CLK2: variants seen among roughly 807,000 people sequenced by gnomAD.
CLK2 encodes the protein dual specificity protein kinase CLK2.
CLK2 carries 12 observed loss-of-function variants against 73.5 expected under a neutral mutation model. The ratio of observed to expected loss-of-function variants is 0.16; its 90% CI spans 0.10 to 0.26. The LOEUF (loss-of-function observed/expected upper bound fraction) is 0.26. Among genes scored for constraint, CLK2 ranks in the 10% least tolerant of loss-of-function variants. The pLI is 1.00. For missense variants in CLK2, 509 were observed against 688.4 expected (o/e 0.74, Z 2.92); for synonymous variants, 232 against 237.9 (o/e 0.98, Z 0.23).
Position 155,264,784 on chromosome 1 carries a change from G to A in CLK2, c.934-10C>T, listed in dbSNP as rs559089129. 2.1e-5 allele frequency: 34 copies of A among 1,613,632 alleles called. No homozygotes were observed. The highest frequency in any genetic ancestry group is 2.7e-5 in the African/African-American group (2 of 74,930). ...TGCGCTCATCTCGCTTCTAGGAGCA[G>A]AGGAGAAAGAGGATGAACCTCTGCA... On this transcript the variant is annotated splice_polypyrimidine_tract_variant and intron_variant, in intron 8 of 12. Coordinates refer to ENST00000368361, the MANE Select transcript of CLK2 (RefSeq NM_001294338.2).
chr1:155,264,076 C>G, intron 11 of CLK2, 36 bp from the exon 12 acceptor site: 1 of 1,586,478 alleles, frequency 6.3e-7, no homozygotes, highest in South Asian at 1.1e-5. Flanking sequence ...ATCAGAAGGT[C>G]ACCCTTGTTA....
At position 155,268,382 on chromosome 1, in the gene CLK2, C is replaced by A. The variant is rs759396383; in HGVS notation, c.488-23G>T. On this transcript the variant is annotated intron_variant, in intron 4 of 12. Coordinates refer to ENST00000368361, the MANE Select transcript of CLK2 (RefSeq NM_001294338.2). This position sits in a 1 kb window ranked among gnomAD's most constrained non-coding sequence, Gnocchi z 5.6. Reference sequence around the variant, plus strand: ...CATCTGAAATGAAAGAGAGCAGGGTCGGGGAGAGGGAGGGAGAGAAGGTGG... The same window carrying A: ...CATCTGAAATGAAAGAGAGCAGGGTAGGGGAGAGGGAGGGAGAGAAGGTGG... 6.2e-7 allele frequency: 1 copy of A among 1,608,534 alleles called. No homozygotes were observed. Among genetic ancestry groups the A allele is most frequent in the Non-Finnish European group, 8.5e-7 (1 of 1,175,464 alleles).
Position 155,268,237 on chromosome 1 carries a change from C to G in CLK2, c.554+56G>C. The G allele has an allele frequency of 6.3e-7, 1 of 1,576,232 alleles. No individual in the cohort carries two copies. Among genetic ancestry groups the G allele is most frequent in the Non-Finnish European group, 8.7e-7 (1 of 1,145,772 alleles). On this transcript the variant is annotated intron_variant, in intron 5 of 12. Coordinates refer to ENST00000368361, the MANE Select transcript of CLK2 (RefSeq NM_001294338.2). This position sits in a 1 kb window ranked among gnomAD's most constrained non-coding sequence, Gnocchi z 5.6. ...CTCAGGTTAATTAGCAAAAAAGCCC[C>G]ATATAACCCCAACCATCTCTTTAGC...
At position 155,268,807 on chromosome 1, in the gene CLK2, C is replaced by A; in HGVS notation, c.400-12G>T. ...CGGCTGCTGTGCTGCTGTCGGGGGG[C>A]AGGGGGGGTCGGAGCAAGCCAGGTG... On this transcript the variant is annotated splice_polypyrimidine_tract_variant and intron_variant, in intron 3 of 12. Transcript: ENST00000368361. The surrounding 1 kb of genome is among the most constrained non-coding windows in gnomAD (Gnocchi z 5.6). 6.8e-7 allele frequency: 1 copy of A among 1,480,632 alleles called. No individual in the cohort carries two copies. The highest frequency in any genetic ancestry group is 9.0e-7 in the Non-Finnish European group (1 of 1,112,734). The allele number at this position is 1,480,632 out of a possible 1,614,324, so 91.7% of individuals were successfully genotyped here. A position where few individuals can be genotyped will look rare whatever the true frequency, so the allele number is the denominator to read the frequency against.
In CLK2 at chr1:155,268,551, G is replaced by A. The variant is rs1673338276; in HGVS notation, c.487+157C>T. ...AACCCAGGGGCCGTGAGAGCTGGGA[G>A]TGGACAACAGAGGTCAATTCTCAAC... On this transcript the variant is annotated intron_variant, in intron 4 of 12. Transcript: ENST00000368361. This position sits in a 1 kb window ranked among gnomAD's most constrained non-coding sequence, Gnocchi z 5.6. 1 of 807,108 alleles carries A rather than the reference G, an allele frequency of 1.2e-6. No individual in the cohort carries two copies. The highest frequency in any genetic ancestry group is 2.1e-6 in the Non-Finnish European group (1 of 475,136). The allele number at this position is 807,108 out of a possible 1,614,324, so 50.0% of individuals were successfully genotyped here.
At chr1:155,270,472 T>G (rs1032497803) in intron 2 of CLK2, among the ~76,000 whole-genome samples, 4 of 152,200 alleles carry the variant, frequency 2.6e-5, no homozygotes, top group Non-Finnish European at 5.9e-5. Context: ...TAGCTCCCAG[T>G]CCTTTGCACA....
Position 155,270,791 on chromosome 1 carries a change from T to G in CLK2, c.170+17A>C. The G allele has an allele frequency of 4.4e-6, 7 of 1,595,876 alleles. No individual in the cohort carries two copies. Among genetic ancestry groups the G allele is most frequent in the South Asian group, 1.1e-5 (1 of 90,728 alleles). ...GCGAGTGACCCTGTGTTTGAGTATC[T>G]CTTCCTGAGGCCTCACCTTCGAGAA... On this transcript the variant is annotated intron_variant, in intron 2 of 12. Coordinates refer to ENST00000368361, the MANE Select transcript of CLK2 (RefSeq NM_001294338.2).
chr1:155,266,393 C>G (rs1057106265), intron 7 of CLK2, among the ~76,000 whole-genome samples: 1 of 152,154 alleles, frequency 6.6e-6, no homozygotes, highest in Non-Finnish European at 1.5e-5. Context: ...TAAGCCTTTA[C>G]CCTAAGGAGT....
chr1:155,268,553 G>A lies in CLK2; in HGVS notation c.487+155C>T, dbSNP rs2148140378. On this transcript the variant is annotated intron_variant, in intron 4 of 12. Coordinates refer to ENST00000368361, the MANE Select transcript of CLK2 (RefSeq NM_001294338.2). This position sits in a 1 kb window ranked among gnomAD's most constrained non-coding sequence, Gnocchi z 5.6. The stretch of plus-strand genomic sequence containing the variant: ...CCCAGGGGCCGTGAGAGCTGGGAGT[G>A]GACAACAGAGGTCAATTCTCAACAG... 2.5e-6 allele frequency: 2 copies of A among 810,778 alleles called. No individual in the cohort carries two copies. Among genetic ancestry groups the A allele is most frequent in the Non-Finnish European group, 2.1e-6 (1 of 477,178 alleles). 50.2% of individuals were successfully genotyped at this position (810,778 alleles called of 1,614,324 possible).
rs758093922 is a variant in CLK2 at position 155,268,263 on chromosome 1, C to T, written c.554+30G>A. The T allele has an allele frequency of 2.5e-6, 4 of 1,609,594 alleles. No individual in the cohort carries two copies. The highest frequency in any genetic ancestry group is 1.7e-5 in the Admixed American group (1 of 59,976). ...ATATAACCCCAACCATCTCTTTAGC[C>T]CCACATAGTAGGGAGGGACTGACAG... On this transcript the variant is annotated intron_variant, in intron 5 of 12. Transcript: ENST00000368361. This position sits in a 1 kb window ranked among gnomAD's most constrained non-coding sequence, Gnocchi z 5.6.
chr1:155,266,263 T>C (rs1673229193), intron 7 of CLK2, among the ~76,000 whole-genome samples: 1 of 152,242 alleles, frequency 6.6e-6, no homozygotes, highest in South Asian at 2.1e-4. Flanking sequence ...CTGTATTATT[T>C]TGATGACTCC....
In CLK2 at chr1:155,269,489, G is replaced by A. The variant is rs1186333457; in HGVS notation, c.398C>T (p.Ser133Leu). 2.0e-5 allele frequency: 32 copies of A among 1,613,428 alleles called. No individual in the cohort carries two copies. Among genetic ancestry groups the A allele is most frequent in the Non-Finnish European group, 2.5e-5 (30 of 1,179,946 alleles). The change falls in exon 3 of 13, where the codon TCG becomes TTG. Residue 133 changes from serine to leucine, a missense_variant and splice_region_variant. Ser to Leu is a moderately radical substitution (Grantham distance 145). Transcript: ENST00000368361. The part of the protein sequence containing the change: ...RRSRTFSRSS[S>L]QHSSRRAKSV... ...GGAAGGGCCTGGGCTGGCACTCACC[G>A]AAGATGAGCGGCTAAATGTCCGGCT...
In CLK2 at chr1:155,263,053, G is replaced by T; in HGVS notation, c.*165C>A. On this transcript the variant is annotated 3_prime_UTR_variant, in exon 13 of 13. Transcript: ENST00000368361. ...GTACAAGGCAGGGGTTGAAGTGATA[G>T]GTACAAGTTCTTTCATATTTACACT... 1.5e-6 allele frequency: 1 copy of T among 665,736 alleles called. No homozygotes were observed. The highest frequency in any genetic ancestry group is 2.5e-6 in the Non-Finnish European group (1 of 404,766). 41.2% of individuals were successfully genotyped at this position (665,736 alleles called of 1,614,324 possible).
rs756894509 is a variant in CLK2 at position 155,263,358 on chromosome 1, C to T, written c.1360G>A (p.Asp454Asn). ...TACTCTAGCATGCTTTCAATCAGAT[C>T]GAAGAGCTGGTGGTGTTCCTCTGCC... ...SEAEEHHQLFDLIESMLEYEP... is the reference protein window; with the variant it reads ...SEAEEHHQLFNLIESMLEYEP... Residue 454 changes from aspartate (D) to asparagine (N), a missense_variant, in exon 13 of 13, where the codon GAT becomes AAT. This residue lies in a region of CLK2 where 134 missense variants were observed against 146.0 expected (regional missense o/e 0.92). Transcript: ENST00000368361. 17 of 1,614,030 alleles carry T rather than the reference C, an allele frequency of 1.1e-5. 1 individual carries two copies. The highest frequency in any genetic ancestry group is 8.8e-5 in the South Asian group (8 of 91,092).
chr1:155,266,587 G>A lies in CLK2; in HGVS notation c.838+142C>T, dbSNP rs953134733. 54 of 854,934 alleles carry A rather than the reference G, an allele frequency of 6.3e-5. No homozygotes were observed. In the African/African-American group the frequency reaches 9.4e-4, roughly 15 times the overall value. 53.0% of individuals were successfully genotyped at this position (854,934 alleles called of 1,614,324 possible). ...CATCAGTCAAGGAGTTAAGTCAGAAGACGTTTCAAGATGACAGTAAATCAA... is the reference window on the plus strand; with the variant it reads ...CATCAGTCAAGGAGTTAAGTCAGAAAACGTTTCAAGATGACAGTAAATCAA... On this transcript the variant is annotated intron_variant, in intron 7 of 12. Coordinates refer to ENST00000368361, the MANE Select transcript of CLK2 (RefSeq NM_001294338.2).
rs766225958 is a variant in CLK2, at chr1:155,269,529, G to A, written c.358C>T (p.Arg120Trp). Residue 120 changes from arginine (R) to tryptophan (W), a missense_variant, in exon 3 of 13, where the codon CGG becomes TGG. By Grantham distance (101) the Arg-to-Trp change is moderately radical. This residue lies in a region of CLK2 where 222 missense variants were observed against 221.7 expected (regional missense o/e 1.00). Coordinates refer to ENST00000368361, the MANE Select transcript of CLK2 (RefSeq NM_001294338.2). ...SQRSSRRKHR[R>W]RRRRSRTFSR... ...AATGTCCGGCTGCGCCTCCTCCGCC[G>A]TCTGTGCTTCCTCCGGCTGCTGCGC... The A allele has an allele frequency of 5.6e-6, 9 of 1,613,918 alleles. No homozygotes were observed. The highest frequency in any genetic ancestry group is 4.5e-5 in the East Asian group (2 of 44,898).
intron 12 of CLK2, 155 bp from the exon 13 acceptor site, chr1:155,263,555 T>C (rs1201967019): frequency 1.0e-6 from 1 of 985,312 alleles, no homozygotes; most frequent in Non-Finnish European, 1.2e-6. Context: ...ACGTTTCTGA[T>C]ATTATAGCTC....
chr1:155,264,152 T>C (rs1053529068), intron 11 of CLK2, 69 bp downstream of exon 11: 1 of 1,584,154 alleles, frequency 6.3e-7, no homozygotes, highest in African/African-American at 1.4e-5. Context: ...AAAAAGAAAA[T>C]GATGTGAAAT....
chr1:155,270,857 G>A lies in CLK2; in HGVS notation c.121C>T (p.Arg41Trp), dbSNP rs749596664. Residue 41 changes from arginine (R) to tryptophan (W), a missense_variant, in exon 2 of 13, where the codon CGG becomes TGG. By Grantham distance (101) the Arg-to-Trp change is moderately radical (BLOSUM62 -3). Transcript: ENST00000368361. ...TCCTCTCGCCGACGCCGTCGTGTCC[G>A]GTCACTACTACTTGACCAGGAGCGA... ...RSRSWSSSSD[R>W]TRRRRREDSY... 1.1e-5 allele frequency: 17 copies of A among 1,613,908 alleles called. No individual in the cohort carries two copies. The highest frequency in any genetic ancestry group is 1.6e-4 in the Middle Eastern group (1 of 6,084).
Sources: allele counts gnomAD v4.1 joint callset (sites outside exome capture counted in the v4.1 genomes callset), GRCh38; gene constraint gnomAD v4.1.1; regional missense constraint gnomAD v4.1.1; non-coding constraint Gnocchi (gnomAD v3.1); transcripts MANE v1.5; gene names NCBI Gene and HGNC (gene_info 2026-07-23, HGNC 2026-07-21).